The following SYNE2 variants were observed in gnomAD, a reference collection of about 807,000 sequenced individuals.
SYNE2 encodes the protein spectrin repeat containing nuclear envelope protein 2.
In SYNE2, 431 loss-of-function variants were observed where a neutral mutation model predicts 856.3. The observed-to-expected ratio is 0.50, with a 90% CI of 0.47 to 0.55. The LOEUF (loss-of-function observed/expected upper bound fraction) is 0.55. Among genes scored for constraint, SYNE2 ranks in the 20% least tolerant of loss-of-function variants. SYNE2 has a pLI of 0.00. For synonymous variants in SYNE2, 2,923 were observed against 2,872.3 expected (o/e 1.02, Z -0.56); for missense variants, 8,129 against 8,023.2 (o/e 1.01, Z -0.50).
rs138797058 is a variant in SYNE2, at chr14:64,158,680, A to G, written c.15848A>G (p.Asp5283Gly). ...GTTTTACAGGAGTGGAAGATTTATGATCAACTCTATGATGAAGTGAATATG... is the reference window on the plus strand; with the variant it reads ...GTTTTACAGGAGTGGAAGATTTATGGTCAACTCTATGATGAAGTGAATATG... The part of the protein sequence containing the change: ...QSVLQEWKIY[D>G]QLYDEVNMMT... The change falls in exon 86 of 116, where the codon GAT becomes GGT. Residue 5283 changes from aspartate (D) to glycine (G), a missense_variant. Asp to Gly is a moderately conservative substitution (Grantham distance 94, BLOSUM62 -1). This residue lies in a region of SYNE2 where 5,410 missense variants were observed against 5,284.8 expected (regional missense o/e 1.02). Coordinates refer to ENST00000555002, the MANE Select transcript of SYNE2 (RefSeq NM_182914.3). 1,591 of 1,614,018 alleles carry G rather than the reference A, an allele frequency of 9.9e-4. 2 individuals carry two copies. The highest frequency in any genetic ancestry group is 5.6e-3 in the South Asian group (507 of 91,076).
intron 109 of SYNE2, 120 bp downstream of exon 109, chr14:64,218,632 C>G: frequency 4.5e-6 from 4 of 881,828 alleles, no homozygotes; most frequent in Non-Finnish European, 5.4e-6. Flanking sequence ...GGGGACTTAC[C>G]CTACAACAAC....
chr14:63,958,649 T>C (rs1256827051), intron 8 of SYNE2, among the ~76,000 whole-genome samples: 1 of 152,188 alleles, frequency 6.6e-6, no homozygotes, highest in East Asian at 1.9e-4. Flanking sequence ...CTCCATACTG[T>C]GCTCTTTGGA....
At chr14:64,149,354 A>G (rs1239052977) in intron 84 of SYNE2, among the ~76,000 whole-genome samples, 3 of 152,176 alleles carry the variant, frequency 2.0e-5, no homozygotes, top group Non-Finnish European at 4.4e-5. Flanking sequence ...TGATTGATGT[A>G]TACTTTAATG....
In SYNE2 at chr14:63,931,710, A is replaced by G. The variant is rs892090396; in HGVS notation, c.80-8904A>G. 8.5e-5 allele frequency among the ~76,000 whole-genome samples: 13 copies of G among 152,148 alleles called. No individual in the cohort carries two copies. In the East Asian group the frequency reaches 2.5e-3, roughly 29 times the overall value. On this transcript the variant is annotated intron_variant, in intron 2 of 115. Transcript: ENST00000555002. ...TTCAATCAGCAAATATTTATTGAGG[A>G]TGTTTTTTTCTACATTACACTGCTG...
rs1305970824 is a variant in SYNE2, at chr14:64,009,554, AAAAAAG to A, written c.4578-410_4578-405del. Among the ~76,000 whole-genome samples, 15 of 151,746 alleles carry A rather than the reference AAAAAAG, an allele frequency of 9.9e-5. No homozygotes were observed. The East Asian group carries it at 2.9e-3, about 29-fold the overall frequency. On this transcript the variant is annotated intron_variant, in intron 31 of 115. Coordinates refer to ENST00000555002, the MANE Select transcript of SYNE2 (RefSeq NM_182914.3). ...CTGTCTCAAAAAAAAAAAAAAAAAA[AAAAAAG>A]AGAATAGATATATAAACACCCTGTG... is the stretch of plus-strand genomic sequence containing the variant.
chr14:63,851,982 G>T (rs1453885161), upstream of SYNE2, among the ~76,000 whole-genome samples: 36 of 5,582 alleles, frequency 6.4e-3, 2 homozygotes, highest in African/African-American at 0.011. Flanking sequence ...AAGCGGGGGG[G>T]GGGGGGGGGG....
intron 68 of SYNE2, among the ~76,000 whole-genome samples, chr14:64,121,540 CA>C (rs2097898693): frequency 6.6e-6 from 1 of 151,978 alleles, no homozygotes; most frequent in Non-Finnish European, 1.5e-5. Context: ...CAAAAACAAA[CA>C]AACAAAAAAA....
intron 22 of SYNE2, among the ~76,000 whole-genome samples, chr14:63,994,248 G>A (rs942196614): frequency 6.6e-6 from 1 of 152,148 alleles, no homozygotes; most frequent in Non-Finnish European, 1.5e-5. Flanking sequence ...CTACTGGGCA[G>A]AATTGATGCA....
rs367801318 is a variant in SYNE2 at position 64,081,422 on chromosome 14, G to T, written c.11347-21G>T. 2.9e-5 allele frequency: 46 copies of T among 1,613,898 alleles called. 1 individual carries two copies. The highest frequency in any genetic ancestry group is 3.6e-5 in the Non-Finnish European group (43 of 1,179,976). ...CAGTAAAAGGCATCTGACTAAGTTT[G>T]GTCCTGCATCTCTTTCCCAGGCCAC... is the stretch of plus-strand genomic sequence containing the variant. On this transcript the variant is annotated intron_variant, in intron 56 of 115. Transcript: ENST00000555002.
chr14:64,125,796 C>T lies in SYNE2; in HGVS notation c.13555-531C>T, dbSNP rs1296463544. Reference sequence around the variant, plus strand: ...CTGGGGACGTGCTTGGAGTCATACACCTAAGCCTTGATTCTCACAATCGGC... The same window carrying T: ...CTGGGGACGTGCTTGGAGTCATACATCTAAGCCTTGATTCTCACAATCGGC... On this transcript the variant is annotated intron_variant, in intron 71 of 115. Transcript: ENST00000555002. 2.0e-5 allele frequency among the ~76,000 whole-genome samples: 3 copies of T among 152,208 alleles called. No homozygotes were observed. The East Asian group carries it at 5.8e-4, about 29-fold the overall frequency.
intron 29 of SYNE2, 72 bp from the exon 30 acceptor site, chr14:64,002,648 G>T: frequency 6.5e-7 from 1 of 1,534,510 alleles, no homozygotes; most frequent in Non-Finnish European, 8.9e-7. Flanking sequence ...CATGCAGTTT[G>T]GGGCTAGTTT....
chr14:63,889,886 A>G (rs1566722158), intron 1 of SYNE2, among the ~76,000 whole-genome samples: 1 of 152,126 alleles, frequency 6.6e-6, no homozygotes, highest in East Asian at 1.9e-4. Context: ...TGATGCATGG[A>G]CAACCGTGTA....
At chr14:64,062,962 A>C (rs2097329110) in intron 50 of SYNE2, 67 bp downstream of exon 50, 8 of 1,588,212 alleles carry the variant, frequency 5.0e-6, no homozygotes, top group South Asian at 1.1e-5. Context: ...TGGCAGAGGC[A>C]GCAGAGAATG....
At chr14:63,919,972 G>GTTTTTTTTTGTTTTTTTT (rs2095577897) in intron 2 of SYNE2, among the ~76,000 whole-genome samples, 1 of 110,620 alleles carries the variant, frequency 9.0e-6, no homozygotes. Context: ...TAAAAGGTAA[G>GTTTTTTTTTGTTTTTTTT]TTTTTTTTTT....
At chr14:64,065,704 G>A in intron 51 of SYNE2, 54 bp downstream of exon 51, 1 of 1,587,884 alleles carries the variant, frequency 6.3e-7, no homozygotes, top group Non-Finnish European at 8.6e-7. Flanking sequence ...TATTTAAATT[G>A]TTTTATTACT....
intron 57 of SYNE2, among the ~76,000 whole-genome samples, chr14:64,082,079 C>T (rs889654482): frequency 6.6e-6 from 1 of 150,886 alleles, no homozygotes; most frequent in African/African-American, 2.5e-5. Context: ...AAGCAAGACT[C>T]CGTCTCAAAA....
chr14:63,903,753 A>T (rs1235046645), intron 1 of SYNE2, among the ~76,000 whole-genome samples: 2 of 149,006 alleles, frequency 1.3e-5, no homozygotes, highest in African/African-American at 2.4e-5. Flanking sequence ...ACAACAAATG[A>T]TTCTTTCCCC....
At chr14:64,113,267 G>C in intron 65 of SYNE2, 74 bp from the exon 66 acceptor site, 1 of 1,609,068 alleles carries the variant, frequency 6.2e-7, no homozygotes, top group Non-Finnish European at 8.5e-7. Context: ...GGGAAATGTT[G>C]CAGGTTCCCA....
At chr14:63,950,165 C>T (rs2096127833) in intron 7 of SYNE2, among the ~76,000 whole-genome samples, 159 bp downstream of exon 7, 3 of 152,162 alleles carry the variant, frequency 2.0e-5, no homozygotes, top group African/African-American at 7.2e-5. Flanking sequence ...AGCTCAGCCA[C>T]GTTTGGTTTC....
Sources: allele counts gnomAD v4.1 joint callset (sites outside exome capture counted in the v4.1 genomes callset), GRCh38; gene constraint gnomAD v4.1.1; regional missense constraint gnomAD v4.1.1; transcripts MANE v1.5; gene names NCBI Gene and HGNC (gene_info 2026-07-23, HGNC 2026-07-21).